Variants in SORCS3 observed in about 807,000 individuals in gnomAD.
SORCS3 encodes the protein VPS10 domain-containing receptor SorCS3.
A neutral mutation model predicts 146.3 loss-of-function variants in SORCS3; 57 were observed. The observed-to-expected ratio is 0.39, with a 90% confidence interval of 0.31 to 0.49. The LOEUF is 0.49. Ranked by LOEUF, SORCS3 falls within the 20% of genes least tolerant of loss-of-function variation. The pLI, the probability that SORCS3 is intolerant of heterozygous loss-of-function variation, is 0.92. For synonymous variants in SORCS3, 653 were observed against 618.5 expected (o/e 1.06, Z -0.83); for missense variants, 1,341 against 1,575.5 (o/e 0.85, Z 2.52).
chr10:105,111,195 C>G (rs1211263121), intron 7 of SORCS3, among the ~76,000 whole-genome samples: 2 of 152,142 alleles, frequency 1.3e-5, no homozygotes, highest in Non-Finnish European at 2.9e-5. Flanking sequence ...CCTGGGATGT[C>G]CCTTTACCAG....
chr10:105,150,455 G>A (rs2056160629), intron 9 of SORCS3, among the ~76,000 whole-genome samples: 1 of 152,172 alleles, frequency 6.6e-6, no homozygotes, highest in Non-Finnish European at 1.5e-5. Context: ...AGCTGTACAT[G>A]CGCAGTTCTT....
chr10:105,097,523 T>G (rs186622691), intron 6 of SORCS3, among the ~76,000 whole-genome samples: 2 of 152,348 alleles, frequency 1.3e-5, no homozygotes, highest in Non-Finnish European at 2.9e-5. Flanking sequence ...GAGAGAGTAT[T>G]AACTCGATGA....
rs150317207 is a variant in SORCS3 at position 104,713,358 on chromosome 10, C to T, written c.627+71404C>T. On this transcript the variant is annotated intron_variant, in intron 1 of 26. Transcript: ENST00000369701. ...CCTGTAAACCTGAGGGAAAAATCAG[C>T]TTTCACCTTTTGTCCTTTTCTGTGG... Among the ~76,000 whole-genome samples, 790 of 152,282 alleles carry T rather than the reference C, an allele frequency of 5.2e-3. 5 individuals are homozygous for T. The highest frequency in any genetic ancestry group is 0.018 in the African/African-American group (733 of 41,550).
At chr10:104,885,597 C>T (rs926002311) in intron 2 of SORCS3, among the ~76,000 whole-genome samples, 3 of 151,946 alleles carry the variant, frequency 2.0e-5, no homozygotes, top group Non-Finnish European at 2.9e-5. Flanking sequence ...AAACTTTTTC[C>T]CTCAAATATA....
chr10:104,932,851 C>A (rs1263535685), intron 3 of SORCS3, among the ~76,000 whole-genome samples: 1 of 152,084 alleles, frequency 6.6e-6, no homozygotes, highest in Non-Finnish European at 1.5e-5. Flanking sequence ...CTTACCACTC[C>A]CAGCTATTCT....
intron 1 of SORCS3, among the ~76,000 whole-genome samples, chr10:104,713,198 A>G (rs975581541): frequency 1.4e-4 from 21 of 151,990 alleles, no homozygotes; most frequent in African/African-American, 4.3e-4. Flanking sequence ...AAGTGACAAG[A>G]AAGCTTTTAC....
chr10:105,067,501 TG>T (rs2055530097), intron 5 of SORCS3, among the ~76,000 whole-genome samples: 1 of 152,244 alleles, frequency 6.6e-6, no homozygotes, highest in South Asian at 2.1e-4. Context: ...CACTCCTGCC[TG>T]GGCGACAGAC....
intron 20 of SORCS3, among the ~76,000 whole-genome samples, chr10:105,226,043 TA>T (rs1472109819): frequency 1.3e-5 from 2 of 151,924 alleles, no homozygotes; most frequent in African/African-American, 2.4e-5. Context: ...GATTGGCTTT[TA>T]TTTTTTTTTC....
chr10:104,851,299 C>T, intron 2 of SORCS3, among the ~76,000 whole-genome samples: 1 of 152,156 alleles, frequency 6.6e-6, no homozygotes, highest in East Asian at 1.9e-4. Context: ...TGGCCAGTGG[C>T]TGAGAGAATG....
chr10:104,976,862 G>A (rs2054901040), intron 3 of SORCS3, among the ~76,000 whole-genome samples: 1 of 151,846 alleles, frequency 6.6e-6, no homozygotes, highest in Non-Finnish European at 1.5e-5. Flanking sequence ...TGAACAATGA[G>A]ATCGCATGGA....
intron 1 of SORCS3, among the ~76,000 whole-genome samples, chr10:104,832,383 A>C (rs1371681700): frequency 6.6e-6 from 1 of 152,184 alleles, no homozygotes; most frequent in Non-Finnish European, 1.5e-5. Context: ...TAGCATGAGA[A>C]GCTCAACACA....
intron 20 of SORCS3, among the ~76,000 whole-genome samples, chr10:105,227,600 T>G (rs2056741609): frequency 6.6e-6 from 1 of 152,046 alleles, no homozygotes; most frequent in African/African-American, 2.4e-5. Flanking sequence ...TGTTTCTTTG[T>G]TTTCCGTCTA....
intron 9 of SORCS3, among the ~76,000 whole-genome samples, chr10:105,150,247 T>C (rs2056159141): frequency 6.6e-6 from 1 of 152,176 alleles, no homozygotes; most frequent in South Asian, 2.1e-4. Flanking sequence ...GCTTTATTGC[T>C]TTTAAAAATT....
At chr10:105,257,091 A>G (rs1249813816) in intron 25 of SORCS3, among the ~76,000 whole-genome samples, 167 bp downstream of exon 25, 2 of 152,206 alleles carry the variant, frequency 1.3e-5, no homozygotes, top group Non-Finnish European at 2.9e-5. Context: ...CATGGATTAA[A>G]TGGGTTTGAG....
At chr10:104,856,898 G>A (rs564751054) in intron 2 of SORCS3, among the ~76,000 whole-genome samples, 82 of 145,688 alleles carry the variant, frequency 5.6e-4, no homozygotes, top group Middle Eastern at 3.7e-3. Context: ...GAAAGATGAG[G>A]GAAGAGAGTG....
chr10:104,974,326 G>A (rs192847034), intron 3 of SORCS3, among the ~76,000 whole-genome samples: 187 of 152,226 alleles, frequency 1.2e-3, no homozygotes, highest in African/African-American at 4.1e-3. Flanking sequence ...TTGTGTGGGA[G>A]TCTAAGTCTC....
chr10:104,726,510 C>T (rs143457707), intron 1 of SORCS3, among the ~76,000 whole-genome samples: 70 of 152,230 alleles, frequency 4.6e-4, no homozygotes, highest in Non-Finnish European at 8.8e-4. Flanking sequence ...ACCCCAGGAC[C>T]AACCCAAGCT....
intron 2 of SORCS3, among the ~76,000 whole-genome samples, chr10:104,910,008 C>T (rs11192225): frequency 0.087 from 13,264 of 152,102 alleles, 747 homozygotes; most frequent in South Asian, 0.25. Context: ...TGTACCAGTC[C>T]GCACTAAGTC....
Position 104,842,877 on chromosome 10 carries a change from T to C in SORCS3, c.695+18T>C. 2.5e-6 allele frequency: 4 copies of C among 1,606,626 alleles called. No homozygotes were observed. The highest frequency in any genetic ancestry group is 3.4e-6 in the Non-Finnish European group (4 of 1,173,360). Reference sequence around the variant, plus strand: ...CTATGGAGGTAAGCAGATTAGAGATTCTTAAGGAGCCACCCTGGCTTGGCT... The same window carrying C: ...CTATGGAGGTAAGCAGATTAGAGATCCTTAAGGAGCCACCCTGGCTTGGCT... On this transcript the variant is annotated intron_variant, in intron 2 of 26. Coordinates refer to ENST00000369701, the MANE Select transcript of SORCS3 (RefSeq NM_014978.3).
Sources: allele counts gnomAD v4.1 joint callset (sites outside exome capture counted in the v4.1 genomes callset), GRCh38; gene constraint gnomAD v4.1.1; transcripts MANE v1.5; gene names NCBI Gene and HGNC (gene_info 2026-07-23, HGNC 2026-07-21).